Variants in TRABD2B observed in about 807,000 individuals in gnomAD.
TRABD2B encodes metalloprotease TIKI2.
In TRABD2B, 14 loss-of-function variants were observed where a neutral mutation model predicts 40.1. The observed-to-expected ratio is 0.35, with a 90% CI of 0.23 to 0.55. TRABD2B has a LOEUF of 0.55. Among genes scored for constraint, TRABD2B ranks in the 20% least tolerant of loss-of-function variants. The pLI, the probability that TRABD2B is intolerant of heterozygous loss-of-function variation, is 0.90. For missense variants in TRABD2B, 541 were observed against 648.6 expected, an observed-to-expected ratio of 0.83 and a Z score of 1.80; for synonymous variants, 263 against 277.0, an observed-to-expected ratio of 0.95 and a Z score of 0.50.
intron 2 of TRABD2B, among the ~76,000 whole-genome samples, chr1:47,820,681 C>A (rs989742564): frequency 6.6e-6 from 1 of 152,060 alleles, no homozygotes; most frequent in Non-Finnish European, 1.5e-5. Context: ...CAAGGGCCCA[C>A]TTTCCCCTGT....
At chr1:47,850,755 G>A (rs4927154) in intron 2 of TRABD2B, among the ~76,000 whole-genome samples, 3,618 of 152,316 alleles carry the variant, frequency 0.024, 114 homozygotes, top group Admixed American at 0.095. Flanking sequence ...CCCACTCTCC[G>A]CCTCCTCTGG....
In TRABD2B at chr1:47,870,498, C is replaced by T. The variant is rs117224638; in HGVS notation, c.667-68879G>A. Among the ~76,000 whole-genome samples the T allele has an allele frequency of 1.3e-4, 20 of 152,296 alleles. No individual in the cohort carries two copies. The East Asian group carries it at 2.9e-3, about 22-fold the overall frequency. The stretch of plus-strand genomic sequence containing the variant: ...AATGAATCCCTCTCCCAGGCACCCA[C>T]CTATGTCTGTCTGTGTCTTTATGAT... On this transcript the variant is annotated intron_variant, in intron 2 of 6. Coordinates refer to ENST00000606738, the MANE Select transcript of TRABD2B (RefSeq NM_001194986.2).
chr1:47,852,290 G>A (rs1344055131), intron 2 of TRABD2B, among the ~76,000 whole-genome samples: 1 of 152,302 alleles, frequency 6.6e-6, no homozygotes, highest in Admixed American at 6.5e-5. Context: ...TGGCCCCATG[G>A]AGCCACACAC....
At chr1:47,983,061 T>C (rs1645863989) in intron 2 of TRABD2B, among the ~76,000 whole-genome samples, 1 of 152,068 alleles carries the variant, frequency 6.6e-6, no homozygotes, top group South Asian at 2.1e-4. Context: ...CTATTCACAA[T>C]AGCAAAGACA....
chr1:47,924,001 G>A (rs1234781067), intron 2 of TRABD2B, among the ~76,000 whole-genome samples: 1 of 149,312 alleles, frequency 6.7e-6, no homozygotes, highest in Non-Finnish European at 1.5e-5. Context: ...TGGAGAACCC[G>A]ACTTATGAAA....
intron 2 of TRABD2B, among the ~76,000 whole-genome samples, chr1:47,992,030 G>A (rs1294426665): frequency 1.3e-5 from 2 of 152,166 alleles, no homozygotes; most frequent in Admixed American, 6.5e-5. Flanking sequence ...AGGACAAATT[G>A]GCATGATTGG....
intron 2 of TRABD2B, among the ~76,000 whole-genome samples, chr1:47,970,390 C>T (rs1299705740): frequency 6.6e-6 from 1 of 152,150 alleles, no homozygotes; most frequent in East Asian, 1.9e-4. Context: ...GACTCAACAA[C>T]TTTCAATGCC....
chr1:47,858,039 G>A lies in TRABD2B; in HGVS notation c.667-56420C>T, dbSNP rs566224049. Among the ~76,000 whole-genome samples the A allele has an allele frequency of 8.6e-5, 13 of 151,742 alleles. 1 individual carries two copies. The South Asian group carries it at 2.7e-3, about 32-fold the overall frequency. On this transcript the variant is annotated intron_variant, in intron 2 of 6. Coordinates refer to ENST00000606738, the MANE Select transcript of TRABD2B (RefSeq NM_001194986.2). The stretch of plus-strand genomic sequence containing the variant: ...AGTATATTGTTATAATGGTTCTATT[G>A]TATGATTAGTTATTATTGTTAATCT...
intron 2 of TRABD2B, among the ~76,000 whole-genome samples, chr1:47,830,740 G>A (rs1237783195): frequency 6.6e-6 from 1 of 152,150 alleles, no homozygotes; most frequent in Non-Finnish European, 1.5e-5. Context: ...CTGCATTATT[G>A]TTGGCACTGT....
chr1:47,907,665 T>G (rs1218118243), intron 2 of TRABD2B, among the ~76,000 whole-genome samples: 2 of 152,186 alleles, frequency 1.3e-5, no homozygotes, highest in Non-Finnish European at 2.9e-5. Context: ...GTTCTCACTC[T>G]TTAACCATCT....
chr1:47,791,623 A>G (rs898233287), intron 4 of TRABD2B, among the ~76,000 whole-genome samples: 6 of 152,148 alleles, frequency 3.9e-5, no homozygotes, highest in Non-Finnish European at 7.4e-5. Context: ...CCAGGTGGGT[A>G]GGTGAGGAGT....
At chr1:47,845,321 C>A (rs1398701146) in intron 2 of TRABD2B, among the ~76,000 whole-genome samples, 2 of 152,212 alleles carry the variant, frequency 1.3e-5, no homozygotes, top group African/African-American at 4.8e-5. Flanking sequence ...TTAATCCACA[C>A]TTTCTCTTCT....
intron 2 of TRABD2B, among the ~76,000 whole-genome samples, chr1:47,900,164 G>C (rs976079914): frequency 3.9e-5 from 6 of 152,120 alleles, no homozygotes; most frequent in Non-Finnish European, 8.8e-5. Flanking sequence ...GAGGGGGTGT[G>C]GGGGAGGAGG....
chr1:47,899,918 T>C (rs1184952914), intron 2 of TRABD2B, among the ~76,000 whole-genome samples: 1 of 152,128 alleles, frequency 6.6e-6, no homozygotes, highest in Non-Finnish European at 1.5e-5. Flanking sequence ...GGCCCTTCAA[T>C]GCACGACCCA....
chr1:47,922,248 T>C (rs6677970), intron 2 of TRABD2B, among the ~76,000 whole-genome samples: 147,616 of 152,296 alleles, frequency 0.97, 71,720 homozygotes, highest in Non-Finnish European at 1. Flanking sequence ...TGGAGAGTGG[T>C]TACTTGCTAT....
chr1:47,940,487 T>G (rs1645171454), intron 2 of TRABD2B, among the ~76,000 whole-genome samples: 1 of 152,216 alleles, frequency 6.6e-6, no homozygotes, highest in African/African-American at 2.4e-5. Flanking sequence ...CCACACGCTC[T>G]AGGAAGAATC....
chr1:47,769,958 C>T (rs1644357374), intron 6 of TRABD2B, among the ~76,000 whole-genome samples: 1 of 152,204 alleles, frequency 6.6e-6, no homozygotes, highest in Non-Finnish European at 1.5e-5. Context: ...AAGCCCAAGG[C>T]AGAAAGCAAG....
chr1:47,986,171 AG>A (rs1341417042), intron 2 of TRABD2B, among the ~76,000 whole-genome samples: 2 of 152,240 alleles, frequency 1.3e-5, no homozygotes, highest in African/African-American at 2.4e-5. Context: ...ACAGTTGAAA[AG>A]GAAGGAAAAA....
chr1:47,973,428 G>A (rs1321669284), intron 2 of TRABD2B, among the ~76,000 whole-genome samples: 2 of 152,246 alleles, frequency 1.3e-5, no homozygotes, highest in Non-Finnish European at 2.9e-5. Flanking sequence ...ACCCGAAGAT[G>A]CCACTAACAA....
Sources: allele counts gnomAD v4.1 joint callset (sites outside exome capture counted in the v4.1 genomes callset), GRCh38; gene constraint gnomAD v4.1.1; transcripts MANE v1.5; gene names NCBI Gene and HGNC (gene_info 2026-07-23, HGNC 2026-07-21).